Variants in RALYL observed in about 807,000 individuals in gnomAD.
RALYL encodes the protein RNA-binding Raly-like protein.
A neutral mutation model predicts 35.1 loss-of-function variants in RALYL; 29 were observed. That is an observed-to-expected ratio of 0.83 (90% confidence interval 0.61 to 1.13). The LOEUF (loss-of-function observed/expected upper bound fraction) is 1.13, where lower values mean the gene tolerates loss of function less well. RALYL is among the 50% of genes most tolerant of loss of function. The probability of loss-of-function intolerance (pLI) is 0.00; values close to 1 mark genes in which losing one functional copy is unlikely to be tolerated. For synonymous variants in RALYL, 120 were observed against 127.6 expected (o/e 0.94, Z 0.40); for missense variants, 359 against 360.4 (o/e 1.00, Z 0.03).
At chr8:84,856,889 G>T (rs1028708526) in intron 5 of RALYL, among the ~76,000 whole-genome samples, 1 of 151,080 alleles carries the variant, frequency 6.6e-6, no homozygotes, top group African/African-American at 2.4e-5. Flanking sequence ...TTAGCCGGGC[G>T]CGGTGGCAGG....
At chr8:84,199,083 A>C (rs1356090951) in intron 1 of RALYL, among the ~76,000 whole-genome samples, 2 of 152,168 alleles carry the variant, frequency 1.3e-5, no homozygotes, top group African/African-American at 4.8e-5. Context: ...CGTTTTCCAT[A>C]GTGGTTGTAC....
intron 2 of RALYL, among the ~76,000 whole-genome samples, chr8:84,628,052 A>G (rs939108577): frequency 1.2e-4 from 18 of 152,202 alleles, no homozygotes; most frequent in African/African-American, 4.3e-4. Context: ...AAATATAAAT[A>G]CAACTAATGC....
intron 1 of RALYL, among the ~76,000 whole-genome samples, chr8:84,507,933 A>G (rs920019926): frequency 2.0e-5 from 3 of 152,196 alleles, no homozygotes; most frequent in Non-Finnish European, 4.4e-5. Context: ...TATGTATTTA[A>G]TGAGTTGATA....
At chr8:84,657,035 C>T (rs775519556) in intron 2 of RALYL, among the ~76,000 whole-genome samples, 2 of 152,134 alleles carry the variant, frequency 1.3e-5, no homozygotes, top group African/African-American at 4.8e-5. Flanking sequence ...GCCCACATTA[C>T]ATGAGTATAA....
chr8:84,711,975 A>G (rs780749147), intron 2 of RALYL, among the ~76,000 whole-genome samples: 9 of 152,170 alleles, frequency 5.9e-5, no homozygotes, highest in Admixed American at 6.6e-5. Flanking sequence ...CGAGTTGAAA[A>G]TGTGATCTAG....
chr8:84,347,265 A>G (rs1304182601), intron 1 of RALYL, among the ~76,000 whole-genome samples: 4 of 152,104 alleles, frequency 2.6e-5, no homozygotes, highest in Non-Finnish European at 5.9e-5. Context: ...ATTAATAACA[A>G]TAATAAAATA....
At chr8:84,621,317 C>T (rs574860297) in intron 2 of RALYL, among the ~76,000 whole-genome samples, 8 of 152,268 alleles carry the variant, frequency 5.3e-5, no homozygotes, top group East Asian at 1.9e-4. Flanking sequence ...TTTTTAAGCC[C>T]GTCGGAAAAG....
At chr8:84,463,622 T>A in intron 1 of RALYL, among the ~76,000 whole-genome samples, 1 of 152,076 alleles carries the variant, frequency 6.6e-6, no homozygotes, top group Non-Finnish European at 1.5e-5. Context: ...GCTCAGTAAG[T>A]TATTTAACTT....
chr8:84,896,822 C>T (rs1196905590), intron 8 of RALYL, among the ~76,000 whole-genome samples: 1 of 152,090 alleles, frequency 6.6e-6, no homozygotes, highest in Non-Finnish European at 1.5e-5. Context: ...AATTGGAATG[C>T]AATACAACCT....
chr8:84,210,722 A>G (rs911153128), intron 1 of RALYL, among the ~76,000 whole-genome samples: 15 of 152,132 alleles, frequency 9.9e-5, no homozygotes, highest in African/African-American at 3.4e-4. Context: ...ATTTTTTATT[A>G]TATTTTATTT....
chr8:84,549,317 G>A (rs1250678363), intron 2 of RALYL, among the ~76,000 whole-genome samples: 3 of 152,184 alleles, frequency 2.0e-5, no homozygotes, highest in African/African-American at 7.2e-5. Context: ...AAACAAAACA[G>A]AGGAAAACAA....
chr8:84,792,074 T>A (rs554031444), intron 3 of RALYL, among the ~76,000 whole-genome samples: 6 of 152,364 alleles, frequency 3.9e-5, no homozygotes, highest in African/African-American at 1.4e-4. Flanking sequence ...GGAAGGGAGC[T>A]GAGACTCCCA....
intron 2 of RALYL, among the ~76,000 whole-genome samples, chr8:84,692,949 T>G (rs79630957): frequency 0.014 from 2,131 of 152,116 alleles, 59 homozygotes; most frequent in African/African-American, 0.048. Context: ...AGGTAGCCTC[T>G]AGAAGTTAGA....
rs1367086000 is a variant in RALYL, at chr8:84,552,367, T to A, written c.256+22790T>A. ...ATATATATATATATATATTTTTTTT[T>A]TTTTTTTTTTTTTTTTTTTTGAGAA... On this transcript the variant is annotated intron_variant, in intron 2 of 8. Coordinates refer to ENST00000521268, the MANE Select transcript of RALYL (RefSeq NM_173848.7). 4.0e-5 allele frequency among the ~76,000 whole-genome samples: 5 copies of A among 124,268 alleles called. No individual in the cohort carries two copies. The East Asian group carries it at 9.4e-4, about 23-fold the overall frequency. The allele number at this position is 124,268 out of a possible 152,430, so 81.5% of individuals were successfully genotyped here.
At chr8:84,791,630 G>T (rs146977469) in intron 3 of RALYL, among the ~76,000 whole-genome samples, 385 of 152,182 alleles carry the variant, frequency 2.5e-3, no homozygotes, top group Non-Finnish European at 4.6e-3. Flanking sequence ...GTGGTTAAAC[G>T]GTAGCAACTG....
chr8:84,653,935 A>T (rs1389277754), intron 2 of RALYL, among the ~76,000 whole-genome samples: 1 of 151,514 alleles, frequency 6.6e-6, no homozygotes, highest in Non-Finnish European at 1.5e-5. Flanking sequence ...CTTATTTTAT[A>T]CTTATTTATT....
intron 2 of RALYL, among the ~76,000 whole-genome samples, chr8:84,535,237 G>A (rs2059518503): frequency 6.6e-6 from 1 of 152,166 alleles, no homozygotes; most frequent in Non-Finnish European, 1.5e-5. Flanking sequence ...AAATGGTGGT[G>A]CAAGATTGTT....
intron 4 of RALYL, among the ~76,000 whole-genome samples, chr8:84,834,708 T>C (rs1296947460): frequency 6.6e-6 from 1 of 152,172 alleles, no homozygotes; most frequent in Admixed American, 6.5e-5. Flanking sequence ...AATTGATAGA[T>C]GGAAGAAAGA....
chr8:84,764,394 T>C (rs1038471279), intron 2 of RALYL, among the ~76,000 whole-genome samples: 15 of 152,238 alleles, frequency 9.9e-5, no homozygotes, highest in Admixed American at 5.9e-4. Context: ...ATTTTAATTT[T>C]ATTCCTAATA....
Sources: allele counts gnomAD v4.1 joint callset (sites outside exome capture counted in the v4.1 genomes callset), GRCh38; gene constraint gnomAD v4.1.1; transcripts MANE v1.5; gene names NCBI Gene and HGNC (gene_info 2026-07-23, HGNC 2026-07-21).